The following ZDHHC21 variants were observed in gnomAD, a reference collection of about 807,000 sequenced individuals.
ZDHHC21 encodes the protein zDHHC palmitoyltransferase 21, also known as palmitoyltransferase ZDHHC21.
A neutral mutation model predicts 34.6 loss-of-function variants in ZDHHC21; 15 were observed. That is an observed-to-expected ratio of 0.43 (90% CI 0.29 to 0.67). The LOEUF is 0.67. ZDHHC21 is among the 30% of genes least tolerant of loss of function. The pLI is 0.14. For synonymous variants in ZDHHC21, 142 were observed against 101.8 expected, an observed-to-expected ratio of 1.40 and a Z score of -2.38; for missense variants, 344 against 327.7, an observed-to-expected ratio of 1.05 and a Z score of -0.38.
intron 4 of ZDHHC21, 52 bp downstream of exon 4, chr9:14,674,135 G>T: frequency 7.5e-7 from 1 of 1,332,032 alleles, no homozygotes; most frequent in Non-Finnish European, 9.9e-7. Flanking sequence ...CCCCAAAAAC[G>T]TTTACAATGA....
rs533145823 is a variant in ZDHHC21 at position 14,631,787 on chromosome 9, A to G, written c.621+8109T>C. Among the ~76,000 whole-genome samples the G allele has an allele frequency of 3.3e-5, 5 of 152,346 alleles. No individual in the cohort carries two copies. The South Asian group carries it at 1.0e-3, about 32-fold the overall frequency. ...AGATAGAGGAATGGCCAGTGAATGCAGCAGTCAGAACACACACAACATTTA... is the reference window on the plus strand; with the variant it reads ...AGATAGAGGAATGGCCAGTGAATGCGGCAGTCAGAACACACACAACATTTA... On this transcript the variant is annotated intron_variant, in intron 8 of 9. Transcript: ENST00000380916.
intron 2 of ZDHHC21, among the ~76,000 whole-genome samples, chr9:14,686,366 T>TG (rs1309910406): frequency 6.6e-6 from 1 of 152,114 alleles, no homozygotes; most frequent in Non-Finnish European, 1.5e-5. Flanking sequence ...AGGCTCTAGG[T>TG]GAAGGGTGGA....
chr9:14,609,243 A>G (rs972547775), downstream of ZDHHC21, among the ~76,000 whole-genome samples: 7 of 152,294 alleles, frequency 4.6e-5, 1 homozygote, highest in African/African-American at 1.7e-4. Context: ...ACAAAATGGA[A>G]GTACACATAA....
In ZDHHC21 at chr9:14,617,714, A is replaced by G. The variant is rs1235636700; in HGVS notation, c.*1252T>C. ...ATACAAATGTTCTATGCCTTGCAAA[A>G]GAACATCACTATTAGTAATTTACAT... On this transcript the variant is annotated 3_prime_UTR_variant, in exon 10 of 10. Transcript: ENST00000380916. 6.6e-6 allele frequency: 1 copy of G among 152,022 alleles called. No individual in the cohort carries two copies. The highest frequency in any genetic ancestry group is 6.6e-5 in the Admixed American group (1 of 15,238). 9.4% of individuals were successfully genotyped at this position (152,022 alleles called of 1,614,324 possible).
chr9:14,635,397 T>A (rs1828102000), intron 8 of ZDHHC21, among the ~76,000 whole-genome samples: 1 of 152,042 alleles, frequency 6.6e-6, no homozygotes. Context: ...AATCAAACTA[T>A]CAAAAGTCAA....
chr9:14,640,149 C>A, intron 7 of ZDHHC21, 137 bp from the exon 8 acceptor site: 1 of 489,416 alleles, frequency 2.0e-6, no homozygotes, highest in Non-Finnish European at 3.7e-6. Context: ...TTTTATACTT[C>A]TATTGAAATC....
At chr9:14,601,001 C>G in the ZDHHC21 span, among the ~76,000 whole-genome samples, 1 of 152,104 alleles carries the variant, frequency 6.6e-6, no homozygotes, top group African/African-American at 2.4e-5. Flanking sequence ...AAAATTAACT[C>G]AAGATGGATT....
At chr9:14,634,900 A>C (rs552636374) in intron 8 of ZDHHC21, among the ~76,000 whole-genome samples, 4 of 152,280 alleles carry the variant, frequency 2.6e-5, no homozygotes, top group South Asian at 2.1e-4. Flanking sequence ...AATATTAAAG[A>C]AGCTCATTGA....
chr9:14,642,991 C>G (rs1275297137), intron 7 of ZDHHC21, among the ~76,000 whole-genome samples: 1 of 152,136 alleles, frequency 6.6e-6, no homozygotes, highest in East Asian at 1.9e-4. Context: ...GTAATCCCAG[C>G]ACTTTGGGAG....
intron 9 of ZDHHC21, among the ~76,000 whole-genome samples, chr9:14,619,308 G>T (rs867103796): frequency 6.6e-6 from 1 of 152,058 alleles, no homozygotes; most frequent in African/African-American, 2.4e-5. Flanking sequence ...TCAACCGAGC[G>T]CAACTTTTGA....
the ZDHHC21 span, among the ~76,000 whole-genome samples, chr9:14,602,719 A>G: frequency 2.6e-5 from 4 of 152,118 alleles, no homozygotes; most frequent in Non-Finnish European, 5.9e-5. Context: ...CATACTCACA[A>G]CATGAATGAA....
the ZDHHC21 span, among the ~76,000 whole-genome samples, chr9:14,600,667 CA>C: frequency 5.3e-5 from 8 of 149,998 alleles, no homozygotes; most frequent in Admixed American, 2.7e-4. Flanking sequence ...TCACATGGAA[CA>C]AAAAAAAAGA....
the ZDHHC21 span, among the ~76,000 whole-genome samples, chr9:14,593,345 T>G: frequency 6.6e-6 from 1 of 152,136 alleles, no homozygotes; most frequent in African/African-American, 2.4e-5. Flanking sequence ...TGAAAGGATT[T>G]TAAGGGACTA....
chr9:14,662,175 C>G, intron 6 of ZDHHC21, 40 bp downstream of exon 6: 7 of 1,411,406 alleles, frequency 5.0e-6, no homozygotes, highest in Non-Finnish European at 6.8e-6. Context: ...CATTTTATTA[C>G]CCACCCCTCT....
At chr9:14,645,969 G>C (rs915686458) in intron 7 of ZDHHC21, among the ~76,000 whole-genome samples, 2 of 152,032 alleles carry the variant, frequency 1.3e-5, no homozygotes, top group Non-Finnish European at 2.9e-5. Context: ...AGTTTAAATG[G>C]GTGCAACTAT....
In ZDHHC21 at chr9:14,639,973, G is replaced by T; in HGVS notation, c.544C>A (p.Leu182Ile). Reference protein sequence around the residue: ...VFRHELAIMRLAAFMGITMLV... With the variant: ...VFRHELAIMRIAAFMGITMLV... Reference sequence around the variant, plus strand: ...ATAGTAATGCCCATAAAGGCTGCTAGTCTCATTATGGCCAATTCATGTCTA... The same window carrying T: ...ATAGTAATGCCCATAAAGGCTGCTATTCTCATTATGGCCAATTCATGTCTA... Residue 182 changes from leucine to isoleucine, a missense_variant, in exon 8 of 10, where the codon CTA becomes ATA. Physicochemically the swap from Leu to Ile is conservative, Grantham distance 5. Coordinates refer to ENST00000380916, the MANE Select transcript of ZDHHC21 (RefSeq NM_178566.6). 1 of 1,608,742 alleles carries T rather than the reference G, an allele frequency of 6.2e-7. No homozygotes were observed. Among genetic ancestry groups the T allele is most frequent in the Non-Finnish European group, 8.5e-7 (1 of 1,177,080 alleles).
intron 6 of ZDHHC21, among the ~76,000 whole-genome samples, chr9:14,659,540 T>C (rs1023757787): frequency 6.6e-6 from 1 of 152,236 alleles, no homozygotes; most frequent in African/African-American, 2.4e-5. Context: ...GAATATTTTA[T>C]TGTTCCAAAT....
intron 3 of ZDHHC21, among the ~76,000 whole-genome samples, chr9:14,676,703 C>A (rs958888397): frequency 1.2e-4 from 18 of 151,866 alleles, no homozygotes; most frequent in Admixed American, 4.6e-4. Context: ...GAAAGTCAGA[C>A]AGGATAAAGC....
intron 7 of ZDHHC21, among the ~76,000 whole-genome samples, chr9:14,650,144 T>C (rs1323341086): frequency 6.6e-6 from 1 of 151,976 alleles, no homozygotes; most frequent in East Asian, 1.9e-4. Context: ...CTGTGTTCCA[T>C]CTCTCACTAA....
Sources: gnomAD v4.1 joint callset for allele counts (sites outside exome capture counted in the v4.1 genomes callset) on GRCh38, gnomAD v4.1.1 for gene constraint, MANE v1.5 for transcripts, NCBI Gene and HGNC (gene_info 2026-07-23, HGNC 2026-07-21) for gene names.